The following XKR6 variants were observed in gnomAD, a reference collection of about 807,000 sequenced individuals.
XKR6 encodes the protein XK-related protein 6.
A neutral mutation model predicts 56.7 loss-of-function variants in XKR6; 22 were observed. That is an observed-to-expected ratio of 0.39 (90% CI 0.28 to 0.55). XKR6 has a LOEUF of 0.55. Ranked by LOEUF, XKR6 falls within the 20% of genes least tolerant of loss-of-function variation. The pLI, the probability that XKR6 is intolerant of heterozygous loss-of-function variation, is 0.66. For missense variants in XKR6, 852 were observed against 889.0 expected, an observed-to-expected ratio of 0.96 and a Z score of 0.53; for synonymous variants, 524 against 387.8, an observed-to-expected ratio of 1.35 and a Z score of -4.13.
intron 1 of XKR6, among the ~76,000 whole-genome samples, chr8:11,089,532 G>A (rs867928155): frequency 2.0e-5 from 3 of 152,166 alleles, no homozygotes; most frequent in Admixed American, 6.6e-5. Context: ...AGCTACAAGG[G>A]AGGTTGAGGC....
At chr8:11,111,236 T>C (rs1488398643) in intron 1 of XKR6, among the ~76,000 whole-genome samples, 2 of 152,114 alleles carry the variant, frequency 1.3e-5, no homozygotes, top group Admixed American at 6.6e-5. Context: ...TCACACTGTC[T>C]ACCCTTTTGG....
At chr8:11,148,618 C>A (rs1438070431) in intron 1 of XKR6, among the ~76,000 whole-genome samples, 1 of 152,204 alleles carries the variant, frequency 6.6e-6, no homozygotes, top group African/African-American at 2.4e-5. Flanking sequence ...AACAGTTTCG[C>A]AGTTTTTTAA....
At chr8:10,985,606 A>G (rs1448015064) in intron 1 of XKR6, among the ~76,000 whole-genome samples, 1 of 151,790 alleles carries the variant, frequency 6.6e-6, no homozygotes, top group East Asian at 1.9e-4. Context: ...TTAAAAAAAA[A>G]AAAAAAGCAA....
chr8:10,970,148 C>G (rs1802362372), intron 1 of XKR6, among the ~76,000 whole-genome samples: 1 of 152,178 alleles, frequency 6.6e-6, no homozygotes, highest in Non-Finnish European at 1.5e-5. Context: ...GCTCCGGGAC[C>G]CCATAACTCA....
At position 11,200,525 on chromosome 8, in the gene XKR6, C is replaced by T. The variant is rs1804153220; in HGVS notation, c.764+51G>A. 6 of 1,402,194 alleles carry T rather than the reference C, an allele frequency of 4.3e-6. No homozygotes were observed. The African/African-American group carries it at 7.5e-5, about 18-fold the overall frequency. The allele number at this position is 1,402,194 out of a possible 1,614,324, so 86.9% of individuals were successfully genotyped here. A position where few individuals can be genotyped will look rare whatever the true frequency, so the allele number is the denominator to read the frequency against. The stretch of plus-strand genomic sequence containing the variant: ...GCCGCCCCGCGAAGCACCGGGAGGG[C>T]GGAGGGGGGCTCCTCAGGGCCGGCC... On this transcript the variant is annotated intron_variant, in intron 1 of 2. Transcript: ENST00000416569. The surrounding 1 kb of genome is among the most constrained non-coding windows in gnomAD (Gnocchi z 6.4).
chr8:10,940,841 G>T (rs1383831298), intron 1 of XKR6, among the ~76,000 whole-genome samples: 1 of 152,294 alleles, frequency 6.6e-6, no homozygotes, highest in South Asian at 2.1e-4. Flanking sequence ...TATGTGGTAG[G>T]TGCTGTGACC....
At chr8:11,004,467 T>G (rs112234968) in intron 1 of XKR6, among the ~76,000 whole-genome samples, 3,874 of 148,554 alleles carry the variant, frequency 0.026, 155 homozygotes, top group African/African-American at 0.094. Flanking sequence ...ACAGTGAGAG[T>G]CCATCTCAAA....
chr8:11,024,829 C>CAGAA (rs1798825057), intron 1 of XKR6, among the ~76,000 whole-genome samples: 1 of 152,182 alleles, frequency 6.6e-6, no homozygotes, highest in Non-Finnish European at 1.5e-5. Flanking sequence ...GTGTTGGGGC[C>CAGAA]CTGGGAACTT....
intron 1 of XKR6, among the ~76,000 whole-genome samples, chr8:11,112,549 C>T (rs1039623486): frequency 6.6e-6 from 1 of 152,092 alleles, no homozygotes; most frequent in Non-Finnish European, 1.5e-5. Flanking sequence ...GGCTTAAAGA[C>T]CATGCTACTT....
chr8:11,137,672 A>T (rs752588497), intron 1 of XKR6: 1 of 456,294 alleles, frequency 2.2e-6, no homozygotes, highest in South Asian at 1.5e-5. Flanking sequence ...TGCAATGTGG[A>T]GCACAAGCAG....
intron 1 of XKR6, chr8:11,105,171 T>C (rs1027144414): frequency 6.6e-5 from 10 of 152,182 alleles, no homozygotes; most frequent in Non-Finnish European, 1.0e-4. Flanking sequence ...CTAATATTTA[T>C]TGCACGGTTC....
intron 1 of XKR6, among the ~76,000 whole-genome samples, chr8:10,978,801 C>T (rs954747461): frequency 6.6e-6 from 1 of 152,218 alleles, no homozygotes; most frequent in Admixed American, 6.5e-5. Flanking sequence ...TGCTGACGCA[C>T]GGCCTTGTCC....
At chr8:10,958,213 C>T (rs920187470) in intron 1 of XKR6, among the ~76,000 whole-genome samples, 2 of 152,136 alleles carry the variant, frequency 1.3e-5, no homozygotes, top group African/African-American at 2.4e-5. Context: ...TGCAAGTTCC[C>T]GTTTGGATGG....
Position 11,122,872 on chromosome 8 carries a change from A to G in XKR6, c.764+77704T>C, listed in dbSNP as rs551025754. Among the ~76,000 whole-genome samples the G allele has an allele frequency of 2.6e-5, 4 of 152,326 alleles. No individual in the cohort carries two copies. The South Asian group carries it at 6.2e-4, about 24-fold the overall frequency. On this transcript the variant is annotated intron_variant, in intron 1 of 2. Transcript: ENST00000416569. ...GGGGAAAACTAGACAGGAAAAAGTAACACACAATTCATGTAGCAATGGAAT... is the reference window on the plus strand; with the variant it reads ...GGGGAAAACTAGACAGGAAAAAGTAGCACACAATTCATGTAGCAATGGAAT...
intron 2 of XKR6, among the ~76,000 whole-genome samples, chr8:10,907,054 A>G (rs1800206386): frequency 6.6e-6 from 1 of 152,160 alleles, no homozygotes; most frequent in South Asian, 2.1e-4. Flanking sequence ...CTCAGAAAAA[A>G]AAAAGAAAAA....
chr8:11,180,014 C>A (rs1242251484), intron 1 of XKR6, among the ~76,000 whole-genome samples: 1 of 152,064 alleles, frequency 6.6e-6, no homozygotes, highest in Non-Finnish European at 1.5e-5. Flanking sequence ...TGGCACAAAC[C>A]TGTAGTCCCA....
intron 1 of XKR6, chr8:11,123,707 G>C: frequency 2.7e-6 from 1 of 370,402 alleles, no homozygotes; most frequent in Admixed American, 3.5e-5. Flanking sequence ...TTTTTCAAGA[G>C]GCTGAATCTC....
At chr8:11,077,675 C>T (rs897417384) in intron 1 of XKR6, among the ~76,000 whole-genome samples, 3 of 152,162 alleles carry the variant, frequency 2.0e-5, no homozygotes, top group African/African-American at 7.2e-5. Flanking sequence ...GCTGTTTCCC[C>T]GCCCAGCTCC....
intron 1 of XKR6, among the ~76,000 whole-genome samples, chr8:10,960,951 C>T (rs1222959317): frequency 1.3e-5 from 2 of 152,100 alleles, no homozygotes; most frequent in East Asian, 1.9e-4. Flanking sequence ...ACAGGGAAGA[C>T]CGGGCTAGAC....
Sources: allele counts gnomAD v4.1 joint callset (sites outside exome capture counted in the v4.1 genomes callset), GRCh38; gene constraint gnomAD v4.1.1; non-coding constraint Gnocchi (gnomAD v3.1); transcripts MANE v1.5; gene names NCBI Gene and HGNC (gene_info 2026-07-23, HGNC 2026-07-21).